Variants in KCNA2 observed in about 807,000 individuals in gnomAD.
The protein encoded by KCNA2 is potassium voltage-gated channel subfamily A member 2, also known as potassium channel, voltage gated shaker related subfamily A, member 2.
In KCNA2, 11 loss-of-function variants were observed where a neutral mutation model predicts 33.4. The observed-to-expected ratio is 0.33, with a 90% CI of 0.21 to 0.55. KCNA2 has a LOEUF of 0.55. Among genes scored for constraint, KCNA2 ranks in the 20% least tolerant of loss-of-function variants. KCNA2 has a pLI of 0.93. For synonymous variants in KCNA2, 222 were observed against 231.3 expected (o/e 0.96, Z 0.37); for missense variants, 291 against 621.6 (o/e 0.47, Z 5.66).
At position 110,595,783 on chromosome 1, in the gene KCNA2, T is replaced by G. The variant is rs571390863; in HGVS notation, c.*7500A>C. The G allele has an allele frequency of 1.0e-6, 1 of 985,464 alleles. No individual in the cohort carries two copies. The highest frequency in any genetic ancestry group is 1.1e-4 in the East Asian group (1 of 8,824). The allele number at this position is 985,464 out of a possible 1,614,324, so 61.0% of individuals were successfully genotyped here. On this transcript the variant is annotated 3_prime_UTR_variant, in exon 3 of 3. Transcript: ENST00000316361. ...AGAATGGATTTGTTAGTTCCATTGA[T>G]TGCCACAAACCTCACCTTCTGTGTG...
chr1:110,597,255 C>G lies in KCNA2; in HGVS notation c.*6028G>C. 1 of 985,424 alleles carries G rather than the reference C, an allele frequency of 1.0e-6. No individual in the cohort carries two copies. Among genetic ancestry groups the G allele is most frequent in the Non-Finnish European group, 1.2e-6 (1 of 829,958 alleles). 61.0% of individuals were successfully genotyped at this position (985,424 alleles called of 1,614,324 possible). On this transcript the variant is annotated 3_prime_UTR_variant, in exon 3 of 3. Transcript: ENST00000316361. ...TCCCTGGGGAAGGGAGAAGGGGAAGCAAAAGGATCAAGTAATGGCTTTTAG... is the reference window on the plus strand; with the variant it reads ...TCCCTGGGGAAGGGAGAAGGGGAAGGAAAAGGATCAAGTAATGGCTTTTAG...
upstream of KCNA2, among the ~76,000 whole-genome samples, chr1:110,609,131 C>A (rs1416813): frequency 0.19 from 29,509 of 152,058 alleles, 2,857 homozygotes; most frequent in South Asian, 0.22. Context: ...CCTCCCCTGA[C>A]CAGCACCAAG....
rs1018048339 is a variant in KCNA2 at position 110,601,020 on chromosome 1, T to C, written c.*2263A>G. The C allele has an allele frequency of 6.1e-6, 6 of 985,512 alleles. No individual in the cohort carries two copies. The highest frequency in any genetic ancestry group is 5.2e-5 in the African/African-American group (3 of 57,344). The allele number at this position is 985,512 out of a possible 1,614,324, so 61.0% of individuals were successfully genotyped here. On this transcript the variant is annotated 3_prime_UTR_variant, in exon 3 of 3. Transcript: ENST00000316361. Reference sequence around the variant, plus strand: ...TCCGTCAAAAGGCAAAGACGCCCAGTCTGGTGAGTTAAAAGCCCCCTACCT... The same window carrying C: ...TCCGTCAAAAGGCAAAGACGCCCAGCCTGGTGAGTTAAAAGCCCCCTACCT...
Position 110,601,588 on chromosome 1 carries a change from C to T in KCNA2, c.*1695G>A. Reference sequence around the variant, plus strand: ...CAAGCTTCAGCCATGGGAACTGAAGCTGCAGCACATGGAGGGCAGAAAGAC... The same window carrying T: ...CAAGCTTCAGCCATGGGAACTGAAGTTGCAGCACATGGAGGGCAGAAAGAC... On this transcript the variant is annotated 3_prime_UTR_variant, in exon 3 of 3. Transcript: ENST00000316361. The T allele has an allele frequency of 1.0e-6, 1 of 990,680 alleles. No individual in the cohort carries two copies. Among genetic ancestry groups the T allele is most frequent in the Non-Finnish European group, 1.2e-6 (1 of 833,502 alleles). The allele number at this position is 990,680 out of a possible 1,614,324, so 61.4% of individuals were successfully genotyped here. A position where few individuals can be genotyped will look rare whatever the true frequency, so the allele number is the denominator to read the frequency against.
chr1:110,622,776 A>G (rs1269348998), intron 1 of KCNA2, among the ~76,000 whole-genome samples: 2 of 152,230 alleles, frequency 1.3e-5, no homozygotes, highest in East Asian at 3.8e-4. Flanking sequence ...AATCTGAGAA[A>G]GGATGTGAAA....
rs376953756 is a variant in KCNA2, at chr1:110,599,490, G to A, written c.*3793C>T. On this transcript the variant is annotated 3_prime_UTR_variant, in exon 3 of 3. Coordinates refer to ENST00000316361, the MANE Select transcript of KCNA2 (RefSeq NM_004974.4). Reference sequence around the variant, plus strand: ...CAAGAGGAAAAGGAAGAGCGTGCCCGGGATTGAACACACCCAGAGGGGAAT... The same window carrying A: ...CAAGAGGAAAAGGAAGAGCGTGCCCAGGATTGAACACACCCAGAGGGGAAT... 62 of 985,122 alleles carry A rather than the reference G, an allele frequency of 6.3e-5. No individual in the cohort carries two copies. The highest frequency in any genetic ancestry group is 1.4e-4 in the South Asian group (3 of 21,286). 61.0% of individuals were successfully genotyped at this position (985,122 alleles called of 1,614,324 possible).
At position 110,597,232 on chromosome 1, in the gene KCNA2, C is replaced by G; in HGVS notation, c.*6051G>C. ...GCCACATTCCCTCAGCATCCGTCTC[C>G]CTGGGGAAGGGAGAAGGGGAAGCAA... On this transcript the variant is annotated 3_prime_UTR_variant, in exon 3 of 3. Transcript: ENST00000316361. The G allele has an allele frequency of 1.0e-6, 1 of 985,424 alleles. No homozygotes were observed. The highest frequency in any genetic ancestry group is 1.2e-6 in the Non-Finnish European group (1 of 829,950). The allele number at this position is 985,424 out of a possible 1,614,324, so 61.0% of individuals were successfully genotyped here.
intron 1 of KCNA2, among the ~76,000 whole-genome samples, chr1:110,620,053 C>CGAGAGCGAGA (rs1433707646): frequency 2.8e-4 from 35 of 126,828 alleles, no homozygotes; most frequent in African/African-American, 1.0e-3. Context: ...AGAGCGAGAG[C>CGAGAGCGAGA]GAGAGAGAGA....
intron 1 of KCNA2, among the ~76,000 whole-genome samples, chr1:110,630,269 C>G (rs1484903351): frequency 2.6e-5 from 4 of 152,144 alleles, no homozygotes. Context: ...GATCCGCCCA[C>G]CTCGGCCTCC....
rs992001249 is a variant in KCNA2 at position 110,604,980 on chromosome 1, C to G, written c.-163-35G>C. On this transcript the variant is annotated intron_variant, in intron 2 of 2. Transcript: ENST00000316361. The surrounding 1 kb of genome is among the most constrained non-coding windows in gnomAD (Gnocchi z 7.6). ...AGAGGCAGTTATTGACATGAGGCTA[C>G]TCAGCATTGGCAGCCTGACCTGGGT... 1 of 582,744 alleles carries G rather than the reference C, an allele frequency of 1.7e-6. No individual in the cohort carries two copies. The highest frequency in any genetic ancestry group is 1.9e-5 in the African/African-American group (1 of 53,238). The allele number at this position is 582,744 out of a possible 1,614,324, so 36.1% of individuals were successfully genotyped here.
Position 110,599,832 on chromosome 1 carries a change from C to A in KCNA2, c.*3451G>T. 1.0e-6 allele frequency: 1 copy of A among 985,402 alleles called. No individual in the cohort carries two copies. The highest frequency in any genetic ancestry group is 1.2e-6 in the Non-Finnish European group (1 of 829,996). 61.0% of individuals were successfully genotyped at this position (985,402 alleles called of 1,614,324 possible). ...CTATTGGGTTGTCTGTGCGGATTTGCTGGAAGGAAGGAAGGGTCATGGCAA... is the reference window on the plus strand; with the variant it reads ...CTATTGGGTTGTCTGTGCGGATTTGATGGAAGGAAGGAAGGGTCATGGCAA... On this transcript the variant is annotated 3_prime_UTR_variant, in exon 3 of 3. Transcript: ENST00000316361.
chr1:110,594,141 T>A lies in KCNA2; in HGVS notation c.*9142A>T, dbSNP rs1381899485. 4 of 1,353,884 alleles carry A rather than the reference T, an allele frequency of 3.0e-6. No individual in the cohort carries two copies. Among genetic ancestry groups the A allele is most frequent in the Middle Eastern group, 2.5e-4 (1 of 3,960 alleles). 83.9% of individuals were successfully genotyped at this position (1,353,884 alleles called of 1,614,324 possible). A position where few individuals can be genotyped will look rare whatever the true frequency, so the allele number is the denominator to read the frequency against. Reference sequence around the variant, plus strand: ...TCCCAAGGAGGCTTATTTATCTACCTCTTTGAGTTTTCAGCAATTATTAGA... The same window carrying A: ...TCCCAAGGAGGCTTATTTATCTACCACTTTGAGTTTTCAGCAATTATTAGA... On this transcript the variant is annotated 3_prime_UTR_variant, in exon 3 of 3. Coordinates refer to ENST00000316361, the MANE Select transcript of KCNA2 (RefSeq NM_004974.4).
In KCNA2 at chr1:110,601,605, C is replaced by A. The variant is rs1649346284; in HGVS notation, c.*1678G>T. 1.0e-6 allele frequency: 1 copy of A among 995,394 alleles called. No homozygotes were observed. Among genetic ancestry groups the A allele is most frequent in the Admixed American group, 6.0e-5 (1 of 16,664 alleles). 61.7% of individuals were successfully genotyped at this position (995,394 alleles called of 1,614,324 possible). On this transcript the variant is annotated 3_prime_UTR_variant, in exon 3 of 3. Transcript: ENST00000316361. Reference sequence around the variant, plus strand: ...AACTGAAGCTGCAGCACATGGAGGGCAGAAAGACAATTCTAACGTCTAGGA... The same window carrying A: ...AACTGAAGCTGCAGCACATGGAGGGAAGAAAGACAATTCTAACGTCTAGGA...
rs188624615 is a variant in KCNA2 at position 110,598,070 on chromosome 1, G to A, written c.*5213C>T. Reference sequence around the variant, plus strand: ...GAGCTCCCAGCATCCCCCTCTCTGCGCGTTGGCTCAGGTGACTGATGATGT... The same window carrying A: ...GAGCTCCCAGCATCCCCCTCTCTGCACGTTGGCTCAGGTGACTGATGATGT... On this transcript the variant is annotated 3_prime_UTR_variant, in exon 3 of 3. Coordinates refer to ENST00000316361, the MANE Select transcript of KCNA2 (RefSeq NM_004974.4). The A allele has an allele frequency of 3.7e-3, 3,673 of 985,236 alleles. 4 individuals carry two copies. The highest frequency in any genetic ancestry group is 4.3e-3 in the Non-Finnish European group (3,570 of 829,822). The allele number at this position is 985,236 out of a possible 1,614,324, so 61.0% of individuals were successfully genotyped here.
chr1:110,593,911 T>C lies in KCNA2; in HGVS notation c.*9372A>G, dbSNP rs754810085. 1.1e-4 allele frequency: 174 copies of C among 1,550,044 alleles called. 3 individuals carry two copies. The South Asian group carries it at 1.8e-3, about 16-fold the overall frequency. ...GATAATATCAATACATCCTGTGCAA[T>C]GTAGTTACAGCTGGTGTCTAAATTT... On this transcript the variant is annotated 3_prime_UTR_variant, in exon 3 of 3. Transcript: ENST00000316361.
At chr1:110,631,063 T>C (rs974563915) in intron 1 of KCNA2, among the ~76,000 whole-genome samples, 2 of 152,140 alleles carry the variant, frequency 1.3e-5, no homozygotes, top group Non-Finnish European at 2.9e-5. Flanking sequence ...GATTGGTCCC[T>C]TCCTTTCCAC....
intron 1 of KCNA2, among the ~76,000 whole-genome samples, chr1:110,611,499 T>G (rs1263389882): frequency 1.3e-5 from 2 of 152,032 alleles, no homozygotes; most frequent in African/African-American, 4.8e-5. Context: ...GAGGCTGAGG[T>G]GGGAGGATTG....
chr1:110,613,836 C>T (rs755866989), intron 1 of KCNA2, among the ~76,000 whole-genome samples: 1 of 152,166 alleles, frequency 6.6e-6, no homozygotes, highest in Non-Finnish European at 1.5e-5. Flanking sequence ...AATTCATGCT[C>T]CTATCCATCC....
In KCNA2 at chr1:110,598,305, C is replaced by T; in HGVS notation, c.*4978G>A. ...ACCATCATCCCCTCTCTTGAGTAAA[C>T]AAGTCAAAGCACTGTGCTCCCCTGC... On this transcript the variant is annotated 3_prime_UTR_variant, in exon 3 of 3. Transcript: ENST00000316361. 1 of 860,758 alleles carries T rather than the reference C, an allele frequency of 1.2e-6. No individual in the cohort carries two copies. The highest frequency in any genetic ancestry group is 1.4e-6 in the Non-Finnish European group (1 of 716,324). The allele number at this position is 860,758 out of a possible 1,614,324, so 53.3% of individuals were successfully genotyped here. A position where few individuals can be genotyped will look rare whatever the true frequency, so the allele number is the denominator to read the frequency against.
Sources: allele counts gnomAD v4.1 joint callset (sites outside exome capture counted in the v4.1 genomes callset), GRCh38; gene constraint gnomAD v4.1.1; non-coding constraint Gnocchi (gnomAD v3.1); transcripts MANE v1.5; gene names NCBI Gene and HGNC (gene_info 2026-07-23, HGNC 2026-07-21).